The following TMEM64 variants were observed in gnomAD, a reference collection of about 807,000 sequenced individuals.
TMEM64 encodes the protein transmembrane protein 64.
Under a neutral mutation model 24.5 loss-of-function variants are expected in TMEM64, and 19 were observed. The observed-to-expected ratio is 0.78, with a 90% CI of 0.54 to 1.14. TMEM64 has a LOEUF of 1.14. TMEM64 is among the 50% of genes most tolerant of loss of function. The pLI is 0.00. For synonymous variants in TMEM64, 262 were observed against 224.7 expected (o/e 1.17, Z -1.49); for missense variants, 487 against 493.0 (o/e 0.99, Z 0.12).
intron 1 of TMEM64, among the ~76,000 whole-genome samples, chr8:90,638,407 G>C (rs990250954): frequency 4.6e-5 from 7 of 152,092 alleles, no homozygotes; most frequent in African/African-American, 1.4e-4. Flanking sequence ...TCACTACTCA[G>C]TCATCAATTA....
intron 1 of TMEM64, among the ~76,000 whole-genome samples, chr8:90,633,781 A>G (rs1057132314): frequency 6.6e-6 from 1 of 152,070 alleles, no homozygotes; most frequent in South Asian, 2.1e-4. Context: ...CATTTTCTAC[A>G]TATGTTTTTT....
chr8:90,635,398 A>ATTTT (rs1055061785), intron 1 of TMEM64, among the ~76,000 whole-genome samples: 14 of 151,070 alleles, frequency 9.3e-5, no homozygotes, highest in African/African-American at 3.4e-4. Context: ...ATTTTATTTT[A>ATTTT]TTTTATTTTT....
intron 1 of TMEM64, among the ~76,000 whole-genome samples, chr8:90,643,476 T>A (rs1195192292): frequency 2.0e-5 from 3 of 152,200 alleles, no homozygotes; most frequent in African/African-American, 7.2e-5. Flanking sequence ...ACACCAGCCC[T>A]GTGCTCCCAA....
At chr8:90,627,434 G>A (rs1586125430) in intron 2 of TMEM64, among the ~76,000 whole-genome samples, 1 of 134,768 alleles carries the variant, frequency 7.4e-6, no homozygotes, top group East Asian at 2.4e-4. Flanking sequence ...ATCAACAAAT[G>A]GAAACACCAT....
intron 1 of TMEM64, among the ~76,000 whole-genome samples, chr8:90,635,918 T>C (rs1006274902): frequency 3.3e-5 from 5 of 152,214 alleles, no homozygotes; most frequent in African/African-American, 1.2e-4. Context: ...GAACACATAA[T>C]TGACATTCAT....
At chr8:90,635,242 T>G (rs1010217732) in intron 1 of TMEM64, among the ~76,000 whole-genome samples, 3 of 152,082 alleles carry the variant, frequency 2.0e-5, no homozygotes, top group African/African-American at 7.2e-5. Flanking sequence ...CGTAACTTTT[T>G]GGGAAGAGAG....
Position 90,645,448 on chromosome 8 carries a change from C to A in TMEM64, c.458G>T (p.Ser153Ile). Residue 153 changes from serine (S) to isoleucine (I), a missense_variant, in exon 1 of 3, where the codon AGC becomes ATC. Ser to Ile is a moderately radical substitution (Grantham distance 142, BLOSUM62 -2). Transcript: ENST00000458549. This position sits in a 1 kb window ranked among gnomAD's most constrained non-coding sequence, Gnocchi z 4.2. ...CAGGACCCCCAGCAGCGAGTCAAGG[C>A]TCTCCACCCACAGCAGGAGGTGGTG... ...YLHHLLLWVE[S>I]LDSLLGVLLF... The A allele has an allele frequency of 6.4e-7, 1 of 1,551,604 alleles. No homozygotes were observed. Among genetic ancestry groups the A allele is most frequent in the Non-Finnish European group, 8.7e-7 (1 of 1,147,026 alleles).
chr8:90,645,452 C>G lies in TMEM64; in HGVS notation c.454G>C (p.Glu152Gln). 1 of 1,551,580 alleles carries G rather than the reference C, an allele frequency of 6.4e-7. No individual in the cohort carries two copies. The highest frequency in any genetic ancestry group is 8.7e-7 in the Non-Finnish European group (1 of 1,147,020). ...RYLHHLLLWV[E>Q]SLDSLLGVLL... Reference sequence around the variant, plus strand: ...ACCCCCAGCAGCGAGTCAAGGCTCTCCACCCACAGCAGGAGGTGGTGAAGG... The same window carrying G: ...ACCCCCAGCAGCGAGTCAAGGCTCTGCACCCACAGCAGGAGGTGGTGAAGG... Residue 152 changes from glutamate to glutamine, a missense_variant, in exon 1 of 3, where the codon GAG (glutamate) becomes CAG (glutamine). This residue lies in a region of TMEM64 where 419 missense variants were observed against 407.5 expected (regional missense o/e 1.03). Coordinates refer to ENST00000458549, the MANE Select transcript of TMEM64 (RefSeq NM_001008495.4). The surrounding 1 kb of genome is among the most constrained non-coding windows in gnomAD (Gnocchi z 4.2).
At chr8:90,638,875 C>T (rs181254091) in intron 1 of TMEM64, among the ~76,000 whole-genome samples, 216 of 152,236 alleles carry the variant, frequency 1.4e-3, no homozygotes, top group African/African-American at 4.9e-3. Flanking sequence ...ACCTAGAATG[C>T]TATTTCTCCA....
Position 90,645,210 on chromosome 8 carries a change from G to T in TMEM64, c.696C>A (p.Ser232Arg). ...AARIQSSEKL[S>R]AVIRVVEGGS... ...CTCCCTCCACTACGCGAATAACCGCGCTCAGCTTCTCGCTGCTCTGGATCC... is the reference window on the plus strand; with the variant it reads ...CTCCCTCCACTACGCGAATAACCGCTCTCAGCTTCTCGCTGCTCTGGATCC... The change falls in exon 1 of 3, where the codon AGC becomes AGA. Residue 232 changes from serine to arginine, a missense_variant. Physicochemically the swap from Ser to Arg is moderately radical, Grantham distance 110 (BLOSUM62 -1). Around this residue, in one of 3 missense-constraint regions of TMEM64, gnomAD observed 419 missense variants for 407.5 expected, o/e 1.03. Transcript: ENST00000458549. This position sits in a 1 kb window ranked among gnomAD's most constrained non-coding sequence, Gnocchi z 4.2. 6.2e-7 allele frequency: 1 copy of T among 1,614,148 alleles called. No homozygotes were observed. The highest frequency in any genetic ancestry group is 1.1e-5 in the South Asian group (1 of 91,086).
chr8:90,625,656 C>T lies in TMEM64; in HGVS notation c.*15G>A, dbSNP rs1274430962. The T allele has an allele frequency of 5.6e-6, 9 of 1,607,706 alleles. No homozygotes were observed. The highest frequency in any genetic ancestry group is 3.3e-5 in the South Asian group (3 of 90,418). ...TAGCACACTAGGCTCTTGACAATCACGTATCTCATTAGAATCATACAACAT... is the reference window on the plus strand; with the variant it reads ...TAGCACACTAGGCTCTTGACAATCATGTATCTCATTAGAATCATACAACAT... On this transcript the variant is annotated 3_prime_UTR_variant, in exon 3 of 3. Coordinates refer to ENST00000458549, the MANE Select transcript of TMEM64 (RefSeq NM_001008495.4).
rs1171912397 is a variant in TMEM64, at chr8:90,645,474, A to G, written c.432T>C (p.Leu144=). Reference sequence around the variant, plus strand: ...TCTCCACCCACAGCAGGAGGTGGTGAAGGTAGCGGCGGACCAGGGCCAGGG... The same window carrying G: ...TCTCCACCCACAGCAGGAGGTGGTGGAGGTAGCGGCGGACCAGGGCCAGGG... ...FASLALVRRY[L]HHLLLWVESL... Residue 144 remains leucine (L), a synonymous_variant, in exon 1 of 3, where the codon CTT becomes CTC. Coordinates refer to ENST00000458549, the MANE Select transcript of TMEM64 (RefSeq NM_001008495.4). This position sits in a 1 kb window ranked among gnomAD's most constrained non-coding sequence, Gnocchi z 4.2. 14 of 1,551,310 alleles carry G rather than the reference A, an allele frequency of 9.0e-6. No homozygotes were observed. The highest frequency in any genetic ancestry group is 1.2e-5 in the Non-Finnish European group (14 of 1,147,022).
At position 90,631,655 on chromosome 8, in the gene TMEM64, A is replaced by C. The variant is rs754236288; in HGVS notation, c.848T>G (p.Leu283Arg). The change falls in exon 2 of 3, where the codon CTT becomes CGT. Residue 283 changes from leucine (L) to arginine (R), a missense_variant. Physicochemically the swap from Leu to Arg is moderately radical, Grantham distance 102. Around this residue, in one of 3 missense-constraint regions of TMEM64, gnomAD observed 419 missense variants for 407.5 expected, o/e 1.03. Transcript: ENST00000458549. ...NYLMASSVGL[L>R]PTQLLNSYLG... is the part of the protein sequence containing the mutation. ...GTAAGAATTCAGAAGCTGGGTAGGA[A>C]GCAGTCCAACCGAAGATGCCATCAG... is the stretch of plus-strand genomic sequence containing the variant. The C allele has an allele frequency of 1.2e-6, 2 of 1,613,838 alleles. No individual in the cohort carries two copies. The highest frequency in any genetic ancestry group is 1.7e-6 in the Non-Finnish European group (2 of 1,179,742).
intron 2 of TMEM64, among the ~76,000 whole-genome samples, chr8:90,629,879 G>A (rs1809412812): frequency 6.6e-6 from 1 of 152,016 alleles, no homozygotes; most frequent in Non-Finnish European, 1.5e-5. Context: ...TTTACTTTAT[G>A]TACTAAACTT....
At position 90,645,746 on chromosome 8, in the gene TMEM64, C is replaced by G. The variant is rs1809690204; in HGVS notation, c.160G>C (p.Ala54Pro). ...GAGGCCGCCGCTGCTGCCGCCGCCG[C>G]GCTCGCCCCGCCCCCGCGGGGAAGG... The part of the protein sequence containing the change: ...DRLPRGGGAS[A>P]AAAAAAASGA... Residue 54 changes from alanine to proline, a missense_variant, in exon 1 of 3, where the codon GCG becomes CCG. By Grantham distance (27) the Ala-to-Pro change is conservative. Coordinates refer to ENST00000458549, the MANE Select transcript of TMEM64 (RefSeq NM_001008495.4). The surrounding 1 kb of genome is among the most constrained non-coding windows in gnomAD (Gnocchi z 4.2). The G allele has an allele frequency of 3.7e-6, 4 of 1,091,866 alleles. No individual in the cohort carries two copies. The South Asian group carries it at 1.3e-4, about 35-fold the overall frequency. The allele number at this position is 1,091,866 out of a possible 1,614,324, so 67.6% of individuals were successfully genotyped here.
intron 1 of TMEM64, among the ~76,000 whole-genome samples, chr8:90,644,034 T>C (rs1467938129): frequency 6.6e-6 from 1 of 152,264 alleles, no homozygotes; most frequent in African/African-American, 2.4e-5. Flanking sequence ...AACAATAATT[T>C]ACGTTTTGAA....
intron 1 of TMEM64, among the ~76,000 whole-genome samples, chr8:90,641,314 A>G (rs1809601409): frequency 6.6e-6 from 1 of 152,218 alleles, no homozygotes; most frequent in African/African-American, 2.4e-5. Flanking sequence ...CTATTTACGG[A>G]TGCTGAAGTT....
intron 1 of TMEM64, among the ~76,000 whole-genome samples, chr8:90,639,442 T>C (rs1809570042): frequency 1.3e-5 from 2 of 152,178 alleles, no homozygotes; most frequent in Non-Finnish European, 2.9e-5. Flanking sequence ...TATCTTATTG[T>C]ACATAATTTC....
rs75718310 is a variant in TMEM64, at chr8:90,643,070, C to A, written c.795+2041G>T. Reference sequence around the variant, plus strand: ...AGTTATATACTTAATATGTAAGAGACAAAATCAAAAGAAAAGCCTACCTTA... The same window carrying A: ...AGTTATATACTTAATATGTAAGAGAAAAAATCAAAAGAAAAGCCTACCTTA... On this transcript the variant is annotated intron_variant, in intron 1 of 2. Coordinates refer to ENST00000458549, the MANE Select transcript of TMEM64 (RefSeq NM_001008495.4). Among the ~76,000 whole-genome samples the A allele has an allele frequency of 6.9e-3, 1,045 of 152,186 alleles. 8 individuals are homozygous for A. The highest frequency in any genetic ancestry group is 0.02 in the East Asian group (105 of 5,182).
Sources: gnomAD v4.1 joint callset for allele counts (sites outside exome capture counted in the v4.1 genomes callset) on GRCh38, gnomAD v4.1.1 for gene constraint, gnomAD v4.1.1 regional missense constraint, Gnocchi (gnomAD v3.1) non-coding constraint, MANE v1.5 for transcripts, NCBI Gene and HGNC (gene_info 2026-07-23, HGNC 2026-07-21) for gene names.